Variants in TLN1 observed in about 807,000 individuals in gnomAD.
TLN1 encodes talin 1, also known as talin-1.
TLN1 carries 56 observed loss-of-function variants against 292.3 expected under a neutral mutation model. The ratio of observed to expected loss-of-function variants is 0.19; its 90% CI spans 0.15 to 0.24. TLN1 has a LOEUF of 0.24. Ranked by LOEUF, TLN1 falls within the 10% of genes least tolerant of loss-of-function variation. The pLI, the probability that TLN1 is intolerant of heterozygous loss-of-function variation, is 1.00. For synonymous variants in TLN1, 1,119 were observed against 1,253.7 expected (o/e 0.89, Z 2.27); for missense variants, 2,433 against 3,248.2 (o/e 0.75, Z 6.10).
rs184270944 is a variant in TLN1, at chr9:35,703,339, A to G, written c.6474+221T>C. ...TGAGGAAGATGCCATGTGAAATGGAAAGGTCACCCACACCTGGGAGAAATG... is the reference window on the plus strand; with the variant it reads ...TGAGGAAGATGCCATGTGAAATGGAGAGGTCACCCACACCTGGGAGAAATG... On this transcript the variant is annotated intron_variant, in intron 48 of 56. Coordinates refer to ENST00000314888, the MANE Select transcript of TLN1 (RefSeq NM_006289.4). Among the ~76,000 whole-genome samples, 68 of 152,266 alleles carry G rather than the reference A, an allele frequency of 4.5e-4. 1 individual carries two copies. Among genetic ancestry groups the G allele is most frequent in the Admixed American group, 4.0e-3 (61 of 15,296 alleles).
chr9:35,728,530 T>A (rs1826016919), intron 1 of TLN1, among the ~76,000 whole-genome samples: 2 of 151,954 alleles, frequency 1.3e-5, no homozygotes, highest in African/African-American at 4.8e-5. Context: ...TGCACACTCA[T>A]TCTCCCCAGA....
intron 33 of TLN1, 44 bp downstream of exon 33, chr9:35,710,517 A>G: frequency 1.3e-6 from 2 of 1,588,286 alleles, no homozygotes; most frequent in Non-Finnish European, 8.6e-7. Context: ...AAATGGGGTA[A>G]AGAAAGTAGG....
intron 33 of TLN1, among the ~76,000 whole-genome samples, chr9:35,709,083 A>T (rs1462898764): frequency 6.6e-6 from 1 of 152,036 alleles, no homozygotes; most frequent in Non-Finnish European, 1.5e-5. Context: ...AGGTGGGGGG[A>T]AAAAAACCAA....
chr9:35,724,481 G>T lies in TLN1; in HGVS notation c.511+91C>A. The T allele has an allele frequency of 6.4e-7, 1 of 1,566,322 alleles. No individual in the cohort carries two copies. The highest frequency in any genetic ancestry group is 1.2e-5 in the South Asian group (1 of 84,932). Reference sequence around the variant, plus strand: ...TTGTTTTCTCACTGATGTATCCCCAGGGTGTAAAACAGTGCCTGGCAGAAG... The same window carrying T: ...TTGTTTTCTCACTGATGTATCCCCATGGTGTAAAACAGTGCCTGGCAGAAG... On this transcript the variant is annotated intron_variant, in intron 5 of 56. Transcript: ENST00000314888. This position sits in a 1 kb window ranked among gnomAD's most constrained non-coding sequence, Gnocchi z 4.7.
intron 48 of TLN1, among the ~76,000 whole-genome samples, chr9:35,700,790 G>A (rs1049664580): frequency 6.6e-6 from 1 of 152,152 alleles, no homozygotes; most frequent in African/African-American, 2.4e-5. Flanking sequence ...TCACACCGAG[G>A]AACTTGGACT....
chr9:35,711,799 G>A lies in TLN1; in HGVS notation c.3682-7C>T, dbSNP rs112029310. On this transcript the variant is annotated splice_polypyrimidine_tract_variant and splice_region_variant and intron_variant, in intron 28 of 56. Transcript: ENST00000314888. ...TCCCAGTGCTAGGAGGAAGCTGCAAGGTGAGAGGGGAAGTCAGACAGAAGA... is the reference window on the plus strand; with the variant it reads ...TCCCAGTGCTAGGAGGAAGCTGCAAAGTGAGAGGGGAAGTCAGACAGAAGA... 1.5e-4 allele frequency: 235 copies of A among 1,613,914 alleles called. No individual in the cohort carries two copies. The African/African-American group carries it at 2.5e-3, about 17-fold the overall frequency.
intron 10 of TLN1, 152 bp from the exon 11 acceptor site, chr9:35,721,065 T>C: frequency 1.7e-6 from 1 of 589,406 alleles, no homozygotes; most frequent in South Asian, 2.3e-5. Flanking sequence ...ACCTCCTCTT[T>C]ATTTTCTCCT....
intron 33 of TLN1, among the ~76,000 whole-genome samples, chr9:35,710,215 G>A (rs1159738836): frequency 1.7e-5 from 2 of 119,130 alleles, no homozygotes; most frequent in East Asian, 2.6e-4. Flanking sequence ...AGAGCGAAAC[G>A]CTGTCTCAAA....
In TLN1 at chr9:35,717,723, T is replaced by C. The variant is rs752479194; in HGVS notation, c.2059A>G (p.Lys687Glu). 5.6e-6 allele frequency: 9 copies of C among 1,613,546 alleles called. No individual in the cohort carries two copies. In the Admixed American group the frequency reaches 1.5e-4, roughly 27 times the overall value. Residue 687 changes from lysine (K) to glutamate (E), a missense_variant, in exon 18 of 57, where the codon AAG becomes GAG. Transcript: ENST00000314888. The surrounding 1 kb of genome is among the most constrained non-coding windows in gnomAD (Gnocchi z 4.7). The part of the protein sequence containing the change: ...SAAAALVLKA[K>E]SVAQRTEDSG... Reference sequence around the variant, plus strand: ...TCCTCTGTCCGCTGGGCCACACTCTTGGCCTTGAGGACCAGGGCAGCTGCA... The same window carrying C: ...TCCTCTGTCCGCTGGGCCACACTCTCGGCCTTGAGGACCAGGGCAGCTGCA...
At chr9:35,715,849 A>C (rs1391941379) in intron 20 of TLN1, among the ~76,000 whole-genome samples, 1 of 151,952 alleles carries the variant, frequency 6.6e-6, no homozygotes, top group Non-Finnish European at 1.5e-5. Flanking sequence ...GATAGGAGTA[A>C]GTTCTAGCGT....
At position 35,724,750 on chromosome 9, in the gene TLN1, T is replaced by C. The variant is rs777076356; in HGVS notation, c.359-26A>G. ...CTGAGGAAGGAGATGGCTTGTTAGC[T>C]TCCCAGGTACTGCATCCATGCCTTT... On this transcript the variant is annotated intron_variant, in intron 4 of 56. Coordinates refer to ENST00000314888, the MANE Select transcript of TLN1 (RefSeq NM_006289.4). This position sits in a 1 kb window ranked among gnomAD's most constrained non-coding sequence, Gnocchi z 4.7. 6.2e-6 allele frequency: 10 copies of C among 1,614,014 alleles called. No individual in the cohort carries two copies. The South Asian group carries it at 1.1e-4, about 18-fold the overall frequency.
intron 48 of TLN1, among the ~76,000 whole-genome samples, chr9:35,702,267 C>T (rs1204192136): frequency 1.3e-5 from 2 of 152,196 alleles, no homozygotes; most frequent in East Asian, 3.9e-4. Context: ...GTGGTGATGT[C>T]AAACAGGCAG....
chr9:35,721,849 T>G, intron 9 of TLN1, 46 bp from the exon 10 acceptor site: 1 of 1,595,436 alleles, frequency 6.3e-7, no homozygotes, highest in Non-Finnish European at 8.6e-7. Context: ...AGAGGTCAAA[T>G]GAGAGGTGAA....
chr9:35,724,016 C>T lies in TLN1; in HGVS notation c.718G>A (p.Gly240Ser). The T allele has an allele frequency of 6.2e-7, 1 of 1,613,900 alleles. No homozygotes were observed. The highest frequency in any genetic ancestry group is 8.5e-7 in the Non-Finnish European group (1 of 1,179,896). Residue 240 changes from glycine (G) to serine (S), a missense_variant, in exon 7 of 57, where the codon GGC becomes AGC. Physicochemically the swap from Gly to Ser is moderately conservative, Grantham distance 56 (BLOSUM62 0). Transcript: ENST00000314888. The surrounding 1 kb of genome is among the most constrained non-coding windows in gnomAD (Gnocchi z 4.7). ...CCAAACTGGATCTGGCATTGGAAGCCAGCAAACTCACAGGCCTTGTCAAAG... is the reference window on the plus strand; with the variant it reads ...CCAAACTGGATCTGGCATTGGAAGCTAGCAAACTCACAGGCCTTGTCAAAG... ...VSFDKACEFA[G>S]FQCQIQFGPH...
Position 35,714,889 on chromosome 9 carries a change from G to C in TLN1, c.2755-13C>G. The C allele has an allele frequency of 1.3e-6, 2 of 1,584,818 alleles. No homozygotes were observed. Among genetic ancestry groups the C allele is most frequent in the Non-Finnish European group, 1.7e-6 (2 of 1,165,472 alleles). On this transcript the variant is annotated splice_polypyrimidine_tract_variant and intron_variant, in intron 21 of 56. Coordinates refer to ENST00000314888, the MANE Select transcript of TLN1 (RefSeq NM_006289.4). This position sits in a 1 kb window ranked among gnomAD's most constrained non-coding sequence, Gnocchi z 4.6. The stretch of plus-strand genomic sequence containing the variant: ...GCTTGGCTGCATGCTGTGAAGACAA[G>C]AGTAGTCAGACCAAGCCCATGGATT...
In TLN1 at chr9:35,700,345, G is replaced by A. The variant is rs749560358; in HGVS notation, c.6506C>T (p.Thr2169Ile). The A allele has an allele frequency of 3.7e-6, 6 of 1,604,488 alleles. No homozygotes were observed. Among genetic ancestry groups the A allele is most frequent in the Non-Finnish European group, 5.1e-6 (6 of 1,172,066 alleles). ...VFCSPEPPAK[T>I]STPEDFIRMT... ...TCGGATGAAGTCTTCTGGGGTAGAGGTCTTGGCAGGTGGCTCTGGGGAACA... is the reference window on the plus strand; with the variant it reads ...TCGGATGAAGTCTTCTGGGGTAGAGATCTTGGCAGGTGGCTCTGGGGAACA... The change falls in exon 49 of 57, where the codon ACC becomes ATC. Residue 2169 changes from threonine to isoleucine, a missense_variant. This residue lies in a region of TLN1 where 1,384 missense variants were observed against 1,699.6 expected (regional missense o/e 0.81). Transcript: ENST00000314888.
At position 35,698,502 on chromosome 9, in the gene TLN1, G is replaced by A. The variant is rs1200484122; in HGVS notation, c.7192C>T (p.Arg2398Trp). ...TTGTTGGTGGCCGCAGCCACCATCC[G>A]GGCCTAAAGCAGGGAGAGTTTGCTT... ...QWSQGLISAA[R>W]MVAAATNNLC... The change falls in exon 55 of 57, where the codon CGG (arginine) becomes TGG (tryptophan). Residue 2398 changes from arginine (R) to tryptophan (W), a missense_variant. Physicochemically the swap from Arg to Trp is moderately radical, Grantham distance 101 (BLOSUM62 -3). Coordinates refer to ENST00000314888, the MANE Select transcript of TLN1 (RefSeq NM_006289.4). This position sits in a 1 kb window ranked among gnomAD's most constrained non-coding sequence, Gnocchi z 5.3. 1.9e-6 allele frequency: 3 copies of A among 1,613,714 alleles called. No homozygotes were observed. Among genetic ancestry groups the A allele is most frequent in the Non-Finnish European group, 2.5e-6 (3 of 1,179,830 alleles).
In TLN1 at chr9:35,704,610, T is replaced by C. The variant is rs1369562901; in HGVS notation, c.5880+59A>G. ...GAGGGCTGAGAGGGCTGGAGGAGGA[T>C]GGCAAAGGCTACAGAGTTTGGAGGC... is the stretch of plus-strand genomic sequence containing the variant. On this transcript the variant is annotated intron_variant, in intron 44 of 56. Coordinates refer to ENST00000314888, the MANE Select transcript of TLN1 (RefSeq NM_006289.4). This position sits in a 1 kb window ranked among gnomAD's most constrained non-coding sequence, Gnocchi z 6.9. 2.5e-6 allele frequency: 4 copies of C among 1,602,556 alleles called. No homozygotes were observed. Among genetic ancestry groups the C allele is most frequent in the African/African-American group, 2.7e-5 (2 of 74,718 alleles).
At chr9:35,726,451 T>A (rs1053725444) in intron 1 of TLN1, among the ~76,000 whole-genome samples, 36 of 152,236 alleles carry the variant, frequency 2.4e-4, no homozygotes, top group African/African-American at 8.0e-4. Context: ...TCCTGCTGTG[T>A]CCTGCTGGCT....
Sources: allele counts gnomAD v4.1 joint callset (sites outside exome capture counted in the v4.1 genomes callset), GRCh38; gene constraint gnomAD v4.1.1; regional missense constraint gnomAD v4.1.1; non-coding constraint Gnocchi (gnomAD v3.1); transcripts MANE v1.5; gene names NCBI Gene and HGNC (gene_info 2026-07-23, HGNC 2026-07-21).